The following RPS6KC1 variants were observed in gnomAD, a reference collection of about 807,000 sequenced individuals.
The protein encoded by RPS6KC1 is inactive ribosomal protein S6 kinase delta-1.
RPS6KC1 carries 54 observed loss-of-function variants against 103.8 expected under a neutral mutation model. That is an observed-to-expected ratio of 0.52 (90% CI 0.42 to 0.65). The LOEUF (loss-of-function observed/expected upper bound fraction) is 0.65, where lower values mean the gene tolerates loss of function less well. Ranked by LOEUF, RPS6KC1 falls within the 30% of genes least tolerant of loss-of-function variation. RPS6KC1 has a pLI of 0.00. For missense variants in RPS6KC1, 1,151 were observed against 1,253.8 expected (o/e 0.92, Z 1.24); for synonymous variants, 439 against 438.7 (o/e 1.00, Z -0.01).
At chr1:213,843,091 CA>C in the RPS6KC1 span, among the ~76,000 whole-genome samples, 8 of 152,280 alleles carry the variant, frequency 5.3e-5, 1 homozygote, top group Admixed American at 4.6e-4. Context: ...AAAACTTAGG[CA>C]GGGTTTCCAT....
the RPS6KC1 span, among the ~76,000 whole-genome samples, chr1:213,802,991 C>T: frequency 6.6e-6 from 1 of 152,128 alleles, no homozygotes. Flanking sequence ...TGAGTAACGG[C>T]AACCTAACAG....
At chr1:213,310,359 C>A in the RPS6KC1 span, among the ~76,000 whole-genome samples, 1 of 152,022 alleles carries the variant, frequency 6.6e-6, no homozygotes, top group East Asian at 1.9e-4. Flanking sequence ...CGTATCCCAT[C>A]CTCCCTCCCT....
At chr1:213,166,262 C>A (rs2090958791) in intron 6 of RPS6KC1, among the ~76,000 whole-genome samples, 1 of 151,844 alleles carries the variant, frequency 6.6e-6, no homozygotes, top group South Asian at 2.1e-4. Flanking sequence ...TAAATTAGGG[C>A]TTGGAAGGCA....
the RPS6KC1 span, among the ~76,000 whole-genome samples, chr1:213,509,595 C>T: frequency 6.6e-6 from 1 of 152,340 alleles, no homozygotes; most frequent in Non-Finnish European, 1.5e-5. Flanking sequence ...CTTCACATAA[C>T]TTTAATTTCT....
chr1:213,829,759 C>A, the RPS6KC1 span, among the ~76,000 whole-genome samples: 3 of 152,080 alleles, frequency 2.0e-5, no homozygotes, highest in African/African-American at 4.8e-5. Context: ...CCCCCTCCCC[C>A]AAAAAAGTCA....
At chr1:213,207,301 T>A (rs943259014) in intron 8 of RPS6KC1, among the ~76,000 whole-genome samples, 11 of 152,298 alleles carry the variant, frequency 7.2e-5, no homozygotes, top group African/African-American at 9.6e-5. Flanking sequence ...AAATGGACTT[T>A]CTTTGAGAAT....
the RPS6KC1 span, among the ~76,000 whole-genome samples, chr1:213,779,405 G>C: frequency 6.6e-6 from 1 of 152,224 alleles, no homozygotes; most frequent in Non-Finnish European, 1.5e-5. Flanking sequence ...GCTCAGGTAT[G>C]ACACACCCAG....
the RPS6KC1 span, among the ~76,000 whole-genome samples, chr1:213,761,710 G>C: frequency 1.3e-5 from 2 of 152,120 alleles, no homozygotes; most frequent in East Asian, 1.9e-4. Context: ...CAGGTTCCTG[G>C]GTTCTTCAAA....
chr1:213,647,397 A>C, the RPS6KC1 span, among the ~76,000 whole-genome samples: 2 of 152,212 alleles, frequency 1.3e-5, no homozygotes, highest in Non-Finnish European at 2.9e-5. Context: ...GGGAGAAAAT[A>C]AATTAATCCT....
chr1:213,514,575 C>G, the RPS6KC1 span, among the ~76,000 whole-genome samples: 8 of 152,076 alleles, frequency 5.3e-5, no homozygotes, highest in Admixed American at 4.6e-4. Flanking sequence ...TTTTTTATGG[C>G]TGCATAGTAT....
At chr1:213,086,603 C>A (rs2080424477) in intron 3 of RPS6KC1, among the ~76,000 whole-genome samples, 2 of 152,206 alleles carry the variant, frequency 1.3e-5, no homozygotes, top group African/African-American at 4.8e-5. Flanking sequence ...GTTAATAATT[C>A]TTTATAAGAC....
At chr1:213,101,999 A>G (rs1030801577) in intron 3 of RPS6KC1, among the ~76,000 whole-genome samples, 1 of 152,152 alleles carries the variant, frequency 6.6e-6, no homozygotes, top group Non-Finnish European at 1.5e-5. Flanking sequence ...AATATTAGTG[A>G]TAGGTAAGCG....
At chr1:213,373,509 A>C in the RPS6KC1 span, among the ~76,000 whole-genome samples, 1 of 152,248 alleles carries the variant, frequency 6.6e-6, no homozygotes, top group Admixed American at 6.5e-5. Flanking sequence ...AATAAAAAAT[A>C]AAAAATCAGA....
chr1:213,680,000 AT>A, the RPS6KC1 span, among the ~76,000 whole-genome samples: 39 of 152,210 alleles, frequency 2.6e-4, no homozygotes, highest in Non-Finnish European at 4.3e-4. Context: ...ATTTGCTTTA[AT>A]TTTTTTTAAG....
At chr1:213,524,026 A>G in the RPS6KC1 span, among the ~76,000 whole-genome samples, 2 of 152,170 alleles carry the variant, frequency 1.3e-5, no homozygotes, top group Non-Finnish European at 2.9e-5. Context: ...GTGACTCCCA[A>G]AGAGCATAGG....
At chr1:213,610,167 G>A in the RPS6KC1 span, among the ~76,000 whole-genome samples, 4 of 152,080 alleles carry the variant, frequency 2.6e-5, no homozygotes, top group Non-Finnish European at 2.9e-5. Context: ...CTGTGGAGTC[G>A]CAGTGAGGTT....
chr1:213,805,267 C>T, the RPS6KC1 span, among the ~76,000 whole-genome samples: 1 of 152,138 alleles, frequency 6.6e-6, no homozygotes. Flanking sequence ...TCAATTGACT[C>T]AATCACAAAA....
chr1:213,151,783 AC>A (rs528454722), intron 6 of RPS6KC1, among the ~76,000 whole-genome samples: 1,607 of 89,980 alleles, frequency 0.018, 74 homozygotes, highest in African/African-American at 0.067. Flanking sequence ...CGGGGGGCTG[AC>A]CCCCCCCACC....
At chr1:213,618,193 A>G in the RPS6KC1 span, among the ~76,000 whole-genome samples, 151,868 of 152,320 alleles carry the variant, frequency 1, 75,713 homozygotes, top group East Asian at 1. Context: ...GCAATAAACT[A>G]GAGGATAGGA....
Sources: allele counts gnomAD v4.1 joint callset (sites outside exome capture counted in the v4.1 genomes callset), GRCh38; gene constraint gnomAD v4.1.1; transcripts MANE v1.5; gene names NCBI Gene and HGNC (gene_info 2026-07-23, HGNC 2026-07-21).